Variants in GYPC observed in about 807,000 individuals in gnomAD.
GYPC encodes glycophorin C (Gerbich blood group).
In GYPC, 14 loss-of-function variants were observed where a neutral mutation model predicts 12.6. The observed-to-expected ratio is 1.11, with a 90% CI of 0.74 to 1.74. The LOEUF is 1.74. Among genes scored for constraint, GYPC ranks in the 40% most tolerant of loss-of-function variants. The probability of loss-of-function intolerance (pLI) is 0.00; values close to 1 mark genes in which losing one functional copy is unlikely to be tolerated. For missense variants in GYPC, 225 were observed against 172.1 expected (o/e 1.31, Z -1.72); for synonymous variants, 78 against 62.1 (o/e 1.26, Z -1.20).
intron 1 of GYPC, among the ~76,000 whole-genome samples, chr2:126,688,657 T>C (rs1406422695): frequency 6.6e-6 from 1 of 152,140 alleles, no homozygotes; most frequent in Non-Finnish European, 1.5e-5. Flanking sequence ...CCTTGTATTA[T>C]CTTCTTCCCC....
intron 1 of GYPC, among the ~76,000 whole-genome samples, chr2:126,673,160 GGCTCTTTCTGT>G (rs1343309570): frequency 1.4e-4 from 21 of 152,162 alleles, no homozygotes; most frequent in Admixed American, 3.9e-4. Context: ...CAAGCACAAG[GGCTCTTTCTGT>G]GCTCTTTCTG....
chr2:126,670,862 G>A (rs1325903593), intron 1 of GYPC, among the ~76,000 whole-genome samples: 4 of 152,124 alleles, frequency 2.6e-5, no homozygotes, highest in East Asian at 3.9e-4. Flanking sequence ...TATCATTTAC[G>A]GAGTGTCATG....
intron 1 of GYPC, among the ~76,000 whole-genome samples, chr2:126,683,699 C>T (rs996901659): frequency 3.9e-5 from 6 of 152,236 alleles, no homozygotes; most frequent in African/African-American, 1.4e-4. Context: ...TGGAACCAGA[C>T]ATTTCAAGTT....
At chr2:126,678,117 G>A (rs1683059694) in intron 1 of GYPC, among the ~76,000 whole-genome samples, 1 of 152,130 alleles carries the variant, frequency 6.6e-6, no homozygotes, top group Admixed American at 6.5e-5. Flanking sequence ...AGCTACTCAG[G>A]AGGCTGAGGC....
intron 1 of GYPC, among the ~76,000 whole-genome samples, chr2:126,674,485 C>T (rs867464383): frequency 7.2e-5 from 11 of 152,146 alleles, no homozygotes; most frequent in African/African-American, 1.4e-4. Context: ...GGCAAGGCCG[C>T]GGGTGGAGAA....
intron 1 of GYPC, chr2:126,686,456 T>C (rs1683291573): frequency 2.0e-6 from 2 of 985,356 alleles, no homozygotes; most frequent in Non-Finnish European, 2.4e-6. Context: ...CAATGGCAAA[T>C]CCCATGGATG....
intron 1 of GYPC, among the ~76,000 whole-genome samples, chr2:126,657,333 G>A (rs185928067): frequency 6.6e-6 from 1 of 152,314 alleles, no homozygotes; most frequent in Admixed American, 6.5e-5. Context: ...GCTTGGGAGC[G>A]AGGCCCCTCA....
At chr2:126,680,966 G>A (rs7563027) in intron 1 of GYPC, among the ~76,000 whole-genome samples, 24,365 of 152,098 alleles carry the variant, frequency 0.16, 2,540 homozygotes, top group East Asian at 0.42. Context: ...AGGTCAGGGC[G>A]GCGGGAAGGG....
chr2:126,682,343 G>A (rs969855421), intron 1 of GYPC, among the ~76,000 whole-genome samples: 1 of 152,142 alleles, frequency 6.6e-6, no homozygotes, highest in African/African-American at 2.4e-5. Flanking sequence ...TGCAGTCTCA[G>A]GAGCTATGGA....
At chr2:126,690,810 T>A (rs1179387441) in intron 2 of GYPC, among the ~76,000 whole-genome samples, 1 of 152,126 alleles carries the variant, frequency 6.6e-6, no homozygotes, top group African/African-American at 2.4e-5. Context: ...AGCAACGGGC[T>A]CCCCATGGGT....
chr2:126,681,252 T>C (rs1683143345), intron 1 of GYPC, among the ~76,000 whole-genome samples: 1 of 152,116 alleles, frequency 6.6e-6, no homozygotes, highest in African/African-American at 2.4e-5. Flanking sequence ...GAGGGTCCCG[T>C]TTTCTTCACT....
intron 1 of GYPC, among the ~76,000 whole-genome samples, chr2:126,664,208 CT>C (rs55692460): frequency 0.012 from 1,864 of 149,960 alleles, 39 homozygotes; most frequent in African/African-American, 0.043. Context: ...TTTTCATAGT[CT>C]TTTTTTTTTC....
At chr2:126,663,866 A>G (rs1364995655) in intron 1 of GYPC, among the ~76,000 whole-genome samples, 2 of 150,724 alleles carry the variant, frequency 1.3e-5, no homozygotes, top group African/African-American at 4.9e-5. Context: ...CTACCTTTCA[A>G]TGTCTTCTTT....
At chr2:126,686,620 C>T (rs1683298591) in intron 1 of GYPC, 2 of 981,540 alleles carry the variant, frequency 2.0e-6, no homozygotes, top group Admixed American at 6.2e-5. Context: ...GCAAGACAAG[C>T]CTGAACGTGT....
At chr2:126,691,844 T>C (rs1683475635) in intron 2 of GYPC, among the ~76,000 whole-genome samples, 2 of 152,200 alleles carry the variant, frequency 1.3e-5, no homozygotes, top group Non-Finnish European at 2.9e-5. Flanking sequence ...TAATAAATGC[T>C]GTCTTCACCT....
chr2:126,656,344 G>A (rs1293290388), intron 1 of GYPC, 32 bp downstream of exon 1: 20 of 1,561,942 alleles, frequency 1.3e-5, no homozygotes, highest in Non-Finnish European at 1.6e-5. Context: ...GGGTCCTGGG[G>A]ACCCACTGGA....
intron 2 of GYPC, among the ~76,000 whole-genome samples, chr2:126,691,864 C>A (rs2104807515): frequency 6.6e-6 from 1 of 152,278 alleles, no homozygotes; most frequent in Non-Finnish European, 1.5e-5. Flanking sequence ...TGGAAAATTT[C>A]TGAGGGCAGT....
chr2:126,661,657 G>T (rs1682540551), intron 1 of GYPC, among the ~76,000 whole-genome samples: 6 of 152,048 alleles, frequency 3.9e-5, no homozygotes, highest in Admixed American at 3.9e-4. Context: ...TCTCCATGTT[G>T]GTCAGGCTGG....
intron 2 of GYPC, among the ~76,000 whole-genome samples, chr2:126,690,818 G>A (rs1325634939): frequency 6.6e-6 from 1 of 152,080 alleles, no homozygotes; most frequent in Admixed American, 6.6e-5. Context: ...GCTCCCCATG[G>A]GTCATGGCTG....
Sources: allele counts gnomAD v4.1 joint callset (sites outside exome capture counted in the v4.1 genomes callset), GRCh38; gene constraint gnomAD v4.1.1; transcripts MANE v1.5; gene names NCBI Gene and HGNC (gene_info 2026-07-23, HGNC 2026-07-21).